Variants in FBN3 observed in about 807,000 individuals in gnomAD.
FBN3 encodes the protein fibrillin-3.
FBN3 carries 234 observed loss-of-function variants against 330.1 expected under a neutral mutation model. The observed-to-expected ratio is 0.71, with a 90% CI of 0.64 to 0.79. FBN3 has a LOEUF of 0.79. Among genes scored for constraint, FBN3 ranks in the 30% least tolerant of loss-of-function variants. The probability of loss-of-function intolerance (pLI) is 0.00; values close to 1 mark genes in which losing one functional copy is unlikely to be tolerated. For synonymous variants in FBN3, 1,458 were observed against 1,517.3 expected, an observed-to-expected ratio of 0.96 and a Z score of 0.91; for missense variants, 3,606 against 3,886.9, an observed-to-expected ratio of 0.93 and a Z score of 1.92.
chr19:8,141,654 C>A, intron 8 of FBN3, 63 bp downstream of exon 8: 1 of 1,549,012 alleles, frequency 6.5e-7, no homozygotes, highest in East Asian at 2.3e-5. Context: ...TGCAGGGGAG[C>A]CTGAGCCCCC....
intron 61 of FBN3, among the ~76,000 whole-genome samples, chr19:8,073,601 G>A (rs887980301): frequency 5.9e-5 from 9 of 152,302 alleles, no homozygotes; most frequent in Non-Finnish European, 1.0e-4. Flanking sequence ...ATTCTCTAGG[G>A]AGGAGGCCTC....
intron 22 of FBN3, among the ~76,000 whole-genome samples, 198 bp from the exon 23 acceptor site, chr19:8,124,206 C>T (rs2082925227): frequency 6.6e-6 from 1 of 151,046 alleles, no homozygotes; most frequent in African/African-American, 2.5e-5. Flanking sequence ...CTGTTCTAAG[C>T]CCCTCTATCC....
At chr19:8,102,007 G>A (rs1250701987) in intron 40 of FBN3, among the ~76,000 whole-genome samples, 2 of 152,102 alleles carry the variant, frequency 1.3e-5, no homozygotes, top group African/African-American at 4.8e-5. Flanking sequence ...CTGAGTCATG[G>A]GGGTGGGTCT....
At chr19:8,107,216 T>C (rs2082460068) in intron 37 of FBN3, among the ~76,000 whole-genome samples, 1 of 134,274 alleles carries the variant, frequency 7.4e-6, no homozygotes, top group African/African-American at 2.9e-5. Context: ...AGATGGGGGA[T>C]GGTTGGGTGG....
intron 56 of FBN3, among the ~76,000 whole-genome samples, chr19:8,084,900 T>C (rs932322615): frequency 6.6e-6 from 1 of 151,916 alleles, no homozygotes; most frequent in Non-Finnish European, 1.5e-5. Flanking sequence ...TTTTTATTGC[T>C]TTTGGAGACG....
chr19:8,086,622 A>ATT lies in FBN3; in HGVS notation c.6755-299_6755-298dup, dbSNP rs35364392. Among the ~76,000 whole-genome samples, 536 of 133,548 alleles carry ATT rather than the reference A, an allele frequency of 4.0e-3. 3 individuals are homozygous for ATT. Among genetic ancestry groups the ATT allele is most frequent in the African/African-American group, 0.012 (423 of 36,268 alleles). The allele number at this position is 133,548 out of a possible 152,430, so 87.6% of individuals were successfully genotyped here. On this transcript the variant is annotated intron_variant, in intron 54 of 63. Transcript: ENST00000600128. Reference sequence around the variant, plus strand: ...CAGGTGCCCGCCGCCACGCCCAGCTATTTTTTTTTTTTTTTTTGTATTTTT... The same window carrying ATT: ...CAGGTGCCCGCCGCCACGCCCAGCTATTTTTTTTTTTTTTTTTTTGTATTTTT...
In FBN3 at chr19:8,126,007, C is replaced by T; in HGVS notation, c.2616G>A (p.Glu872=). ...GACAGACTCCCGGGAAGGACTCACA[C>T]TCGTTCACATCTGGGTAAGGAGGAG... ...MTGVTCDDVN[E]CESFPGVCPN... The change falls in exon 22 of 64, where the codon GAG becomes GAA. Residue 872 remains glutamate, a synonymous_variant. Transcript: ENST00000600128. 6.8e-6 allele frequency: 11 copies of T among 1,613,944 alleles called. No individual in the cohort carries two copies. The highest frequency in any genetic ancestry group is 9.3e-6 in the Non-Finnish European group (11 of 1,179,986).
intron 25 of FBN3, among the ~76,000 whole-genome samples, chr19:8,119,639 A>G: frequency 6.6e-6 from 1 of 150,456 alleles, no homozygotes; most frequent in East Asian, 2.0e-4. Flanking sequence ...TCAGCCTCCC[A>G]AGTAGCTGGG....
intron 51 of FBN3, 88 bp downstream of exon 51, chr19:8,089,457 T>A (rs548607203): frequency 6.7e-7 from 1 of 1,485,738 alleles, no homozygotes; most frequent in Non-Finnish European, 9.2e-7. Flanking sequence ...TCTCACCCAC[T>A]GCCTGGGGGT....
At chr19:8,074,835 C>T in intron 61 of FBN3, 1 of 492,458 alleles carries the variant, frequency 2.0e-6, no homozygotes, top group Admixed American at 3.8e-5. Flanking sequence ...GAATCTTTCT[C>T]AACTGAGTCC....
At chr19:8,142,488 A>G (rs2083439191) in intron 6 of FBN3, among the ~76,000 whole-genome samples, 2 of 152,032 alleles carry the variant, frequency 1.3e-5, no homozygotes, top group Admixed American at 6.6e-5. Flanking sequence ...GCCCAGCTAA[A>G]AAGCATGTCT....
At chr19:8,138,761 C>T (rs2083346642) in intron 8 of FBN3, among the ~76,000 whole-genome samples, 197 bp from the exon 9 acceptor site, 1 of 152,168 alleles carries the variant, frequency 6.6e-6, no homozygotes, top group African/African-American at 2.4e-5. Context: ...AAAAGTCTGA[C>T]ATAGTCCAGA....
At position 8,095,867 on chromosome 19, in the gene FBN3, G is replaced by A. The variant is rs533301819; in HGVS notation, c.5656+97C>T. ...GTTATTTAATTTCTAAATAATCGGG[G>A]ACTTTCTGGGCATCTTTCTGTGGCC... is the stretch of plus-strand genomic sequence containing the variant. On this transcript the variant is annotated intron_variant, in intron 45 of 63. Coordinates refer to ENST00000600128, the MANE Select transcript of FBN3 (RefSeq NM_032447.5). The A allele has an allele frequency of 1.2e-4, 85 of 723,978 alleles. No homozygotes were observed. In the African/African-American group the frequency reaches 1.4e-3, roughly 12 times the overall value. 44.8% of individuals were successfully genotyped at this position (723,978 alleles called of 1,614,324 possible).
chr19:8,075,073 A>G lies in FBN3; in HGVS notation c.7700T>C (p.Val2567Ala), dbSNP rs2081607600. ...FTQHSQWAQC[V>A]DENECALSPP... is the part of the protein sequence containing the mutation. ...TCTTCCCAGCCCTTTTCACTCACCCACACACTGGGCCCACTGGGAGTGCTG... is the reference window on the plus strand; with the variant it reads ...TCTTCCCAGCCCTTTTCACTCACCCGCACACTGGGCCCACTGGGAGTGCTG... The change falls in exon 61 of 64, where the codon GTG (valine) becomes GCG (alanine). Residue 2567 changes from valine to alanine, a missense_variant and splice_region_variant. Transcript: ENST00000600128. The G allele has an allele frequency of 6.2e-7, 1 of 1,604,760 alleles. No individual in the cohort carries two copies. The highest frequency in any genetic ancestry group is 1.3e-5 in the African/African-American group (1 of 74,842).
In FBN3 at chr19:8,096,407, C is replaced by G. The variant is rs768648578; in HGVS notation, c.5539+37G>C. ...CAGGGGAGGTTTAGACCCCAGGCAG[C>G]CTGGCTTGAAAAGGAGGGGGAAGAT... On this transcript the variant is annotated intron_variant, in intron 44 of 63. Coordinates refer to ENST00000600128, the MANE Select transcript of FBN3 (RefSeq NM_032447.5). This position sits in a 1 kb window ranked among gnomAD's most constrained non-coding sequence, Gnocchi z 4.6. The G allele has an allele frequency of 1.3e-5, 20 of 1,597,678 alleles. No homozygotes were observed. In the South Asian group the frequency reaches 2.2e-4, roughly 18 times the overall value.
chr19:8,074,030 T>G (rs966107174), intron 61 of FBN3, among the ~76,000 whole-genome samples: 7 of 152,156 alleles, frequency 4.6e-5, no homozygotes, highest in Non-Finnish European at 8.8e-5. Flanking sequence ...GGTAAAATGG[T>G]CCTCTGTTGA....
intron 38 of FBN3, among the ~76,000 whole-genome samples, chr19:8,104,423 AT>A (rs1411664205): frequency 1.3e-5 from 2 of 151,680 alleles, no homozygotes; most frequent in Non-Finnish European, 2.9e-5. Context: ...GCAAGCTGTG[AT>A]TACACCACTG....
chr19:8,137,274 G>A (rs966753447), intron 10 of FBN3, among the ~76,000 whole-genome samples: 6 of 147,894 alleles, frequency 4.1e-5, no homozygotes, highest in Non-Finnish European at 7.4e-5. Context: ...CCTCCAACCT[G>A]GGACCTGGAT....
At position 8,066,091 on chromosome 19, in the gene FBN3, T is replaced by C; in HGVS notation, c.8258A>G (p.His2753Arg). The change falls in exon 64 of 64, where the codon CAT becomes CGT. Residue 2753 changes from histidine (H) to arginine (R), a missense_variant. His to Arg is a conservative substitution (Grantham distance 29). Coordinates refer to ENST00000600128, the MANE Select transcript of FBN3 (RefSeq NM_032447.5). ...RGNEQGFFRM[H>R]HLRGVSSLQL... is the part of the protein sequence containing the mutation. ...CAGGGAGCTGACGCCACGGAGGTGA[T>C]GCATGCGAAAGAAACCTTGCTCGTT... is the stretch of plus-strand genomic sequence containing the variant. The C allele has an allele frequency of 2.5e-6, 4 of 1,613,474 alleles. No individual in the cohort carries two copies. The highest frequency in any genetic ancestry group is 1.1e-5 in the South Asian group (1 of 91,086).
Sources: gnomAD v4.1 joint callset for allele counts (sites outside exome capture counted in the v4.1 genomes callset) on GRCh38, gnomAD v4.1.1 for gene constraint, Gnocchi (gnomAD v3.1) non-coding constraint, MANE v1.5 for transcripts, NCBI Gene and HGNC (gene_info 2026-07-23, HGNC 2026-07-21) for gene names.